Variants in HYCC1 observed in about 807,000 individuals in gnomAD.
The protein encoded by HYCC1 is hyccin.
At chr7:22,978,136 T>A in the HYCC1 span, 2 of 794,094 alleles carry the variant, frequency 2.5e-6, no homozygotes, top group Non-Finnish European at 2.1e-6. Context: ...AAAGTTATAT[T>A]TGGAAGAATG....
At chr7:22,909,233 T>C in the HYCC1 span, among the ~76,000 whole-genome samples, 9 of 152,194 alleles carry the variant, frequency 5.9e-5, no homozygotes, top group Non-Finnish European at 1.2e-4. Flanking sequence ...TGAGAGCAAG[T>C]GAGTTGTTGG....
chr7:23,006,624 C>G, the HYCC1 span, among the ~76,000 whole-genome samples: 2 of 152,162 alleles, frequency 1.3e-5, no homozygotes, highest in African/African-American at 2.4e-5. Flanking sequence ...CTATACATCA[C>G]TCAACATAAT....
the HYCC1 span, chr7:22,964,281 T>A: frequency 1.5e-6 from 1 of 661,084 alleles, no homozygotes; most frequent in Non-Finnish European, 2.7e-6. Flanking sequence ...AAAACTATTA[T>A]CAAGATCTTC....
the HYCC1 span, among the ~76,000 whole-genome samples, chr7:22,929,162 C>G: frequency 6.6e-6 from 1 of 152,176 alleles, no homozygotes; most frequent in Non-Finnish European, 1.5e-5. Context: ...AACTGGACCC[C>G]TTCCTTACAC....
the HYCC1 span, chr7:22,937,435 C>T: frequency 6.6e-6 from 1 of 152,058 alleles, no homozygotes; most frequent in Non-Finnish European, 1.5e-5. Context: ...AAACATTAGC[C>T]CAGAAAATTC....
the HYCC1 span, among the ~76,000 whole-genome samples, chr7:22,968,268 T>C: frequency 6.6e-6 from 1 of 152,160 alleles, no homozygotes; most frequent in African/African-American, 2.4e-5. Flanking sequence ...CTAAAAAAAC[T>C]TCTATGTCAT....
the HYCC1 span, among the ~76,000 whole-genome samples, chr7:23,007,946 TA>T: frequency 1.4e-4 from 22 of 152,006 alleles, no homozygotes; most frequent in Non-Finnish European, 2.5e-4. Context: ...ATACCATAAA[TA>T]AAAATTTTGA....
the HYCC1 span, among the ~76,000 whole-genome samples, chr7:22,921,413 T>C: frequency 3.3e-5 from 5 of 152,214 alleles, no homozygotes; most frequent in African/African-American, 4.8e-5. Context: ...ACACTATAAA[T>C]ATATACTTTC....
chr7:22,994,537 T>C, the HYCC1 span, among the ~76,000 whole-genome samples: 1 of 152,186 alleles, frequency 6.6e-6, no homozygotes. Context: ...TTTTTCTGTA[T>C]GTATATTATA....
the HYCC1 span, chr7:22,961,291 CT>C: frequency 6.2e-7 from 1 of 1,604,518 alleles, no homozygotes; most frequent in African/African-American, 1.3e-5. Flanking sequence ...TCATCCAGTG[CT>C]TTTTGAGCTA....
At chr7:23,002,211 T>C in the HYCC1 span, among the ~76,000 whole-genome samples, 1 of 143,604 alleles carries the variant, frequency 7.0e-6, no homozygotes, top group Non-Finnish European at 1.5e-5. Flanking sequence ...TAATGAAAAA[T>C]GCTGAAAAAC....
the HYCC1 span, among the ~76,000 whole-genome samples, chr7:22,907,680 C>T: frequency 5.3e-5 from 8 of 152,082 alleles, no homozygotes; most frequent in Non-Finnish European, 8.8e-5. Context: ...GAGGCCGAGG[C>T]GGGTGGATCA....
At chr7:22,949,983 A>G in the HYCC1 span, among the ~76,000 whole-genome samples, 3 of 152,078 alleles carry the variant, frequency 2.0e-5, no homozygotes, top group Non-Finnish European at 2.9e-5. Flanking sequence ...GAACAGAAAC[A>G]TAATTCTCAG....
At chr7:22,989,146 C>T in the HYCC1 span, among the ~76,000 whole-genome samples, 14 of 152,086 alleles carry the variant, frequency 9.2e-5, no homozygotes, top group Admixed American at 1.3e-4. Context: ...TTTGCTTTTG[C>T]ATATTTTACT....
the HYCC1 span, among the ~76,000 whole-genome samples, chr7:22,951,002 CA>C: frequency 1.3e-5 from 2 of 151,576 alleles, no homozygotes; most frequent in African/African-American, 4.8e-5. Context: ...CCTATATGCA[CA>C]AATAGGTAAA....
At chr7:23,011,426 C>T in the HYCC1 span, among the ~76,000 whole-genome samples, 4 of 152,100 alleles carry the variant, frequency 2.6e-5, no homozygotes. Context: ...TTTTTGTGTT[C>T]CTCATTTCCA....
At chr7:22,962,633 G>T in the HYCC1 span, among the ~76,000 whole-genome samples, 1 of 151,908 alleles carries the variant, frequency 6.6e-6, no homozygotes, top group African/African-American at 2.4e-5. Flanking sequence ...AGTAGTGGGG[G>T]TCATCACTGA....
At chr7:22,918,830 C>A in the HYCC1 span, among the ~76,000 whole-genome samples, 438 of 152,208 alleles carry the variant, frequency 2.9e-3, 13 homozygotes, top group Admixed American at 0.028. Flanking sequence ...TTTGCTGACT[C>A]TCTTTTCAGA....
At chr7:23,014,018 G>A in the HYCC1 span, 1 of 471,090 alleles carries the variant, frequency 2.1e-6, no homozygotes, top group South Asian at 1.5e-5. Flanking sequence ...CCGAGTAGCA[G>A]CACCACCTGC....
Sources: gnomAD v4.1 joint callset for allele counts (sites outside exome capture counted in the v4.1 genomes callset) on GRCh38, gnomAD v4.1.1 for gene constraint, MANE v1.5 for transcripts, NCBI Gene and HGNC (gene_info 2026-07-23, HGNC 2026-07-21) for gene names.